GRID2: variants seen among roughly 807,000 people sequenced by gnomAD.
GRID2 encodes glutamate ionotropic receptor delta type subunit 2.
In GRID2, 33 loss-of-function variants were observed where a neutral mutation model predicts 114.8. That is an observed-to-expected ratio of 0.29 (90% confidence interval 0.22 to 0.38). GRID2 has a LOEUF of 0.38. Among genes scored for constraint, GRID2 ranks in the 10% least tolerant of loss-of-function variants. GRID2 has a pLI of 1.00. For synonymous variants in GRID2, 505 were observed against 449.9 expected (o/e 1.12, Z -1.55); for missense variants, 1,184 against 1,257.7 (o/e 0.94, Z 0.89).
At chr4:92,460,276 T>A (rs538329678) in intron 1 of GRID2, among the ~76,000 whole-genome samples, 9 of 151,652 alleles carry the variant, frequency 5.9e-5, no homozygotes, top group Admixed American at 2.6e-4. Context: ...CAGATATTCT[T>A]CCAGAGACAA....
intron 1 of GRID2, among the ~76,000 whole-genome samples, chr4:92,492,988 G>T (rs551908549): frequency 6.6e-6 from 1 of 151,966 alleles, no homozygotes; most frequent in South Asian, 2.1e-4. Flanking sequence ...AATTAGCCAG[G>T]TGTGGTGGCA....
intron 1 of GRID2, among the ~76,000 whole-genome samples, chr4:92,399,281 C>G (rs530392449): frequency 6.6e-6 from 1 of 152,214 alleles, no homozygotes; most frequent in African/African-American, 2.4e-5. Context: ...TGTTTGTGCT[C>G]CATTGACTGC....
chr4:93,533,280 TC>T (rs1731664074), intron 13 of GRID2, among the ~76,000 whole-genome samples: 4 of 135,292 alleles, frequency 3.0e-5, no homozygotes, highest in East Asian at 2.2e-4. Flanking sequence ...CTTCCTTCCT[TC>T]CTTCCTTCCT....
intron 2 of GRID2, among the ~76,000 whole-genome samples, chr4:92,744,929 C>T (rs2149334122): frequency 6.6e-6 from 1 of 152,242 alleles, no homozygotes; most frequent in East Asian, 1.9e-4. Flanking sequence ...GCTAATTTAG[C>T]ACTGTTGAGA....
At position 92,403,693 on chromosome 4, in the gene GRID2, AAAATAAATAAAT is replaced by A. The variant is rs58063095; in HGVS notation, c.88+98989_88+99000del. Among the ~76,000 whole-genome samples, 879 of 139,124 alleles carry A rather than the reference AAAATAAATAAAT, an allele frequency of 6.3e-3. 8 individuals carry two copies. The highest frequency in any genetic ancestry group is 0.015 in the Middle Eastern group (4 of 262). The allele number at this position is 139,124 out of a possible 152,430, so 91.3% of individuals were successfully genotyped here. On this transcript the variant is annotated intron_variant, in intron 1 of 15. Transcript: ENST00000282020. ...GGGGACAGAGTGAGACTCCATCTCA[AAAATAAATAAAT>A]AAATAAATAAATAAATAAATAAATA...
intron 2 of GRID2, among the ~76,000 whole-genome samples, chr4:92,836,128 A>G (rs13131366): frequency 0.071 from 10,809 of 152,188 alleles, 537 homozygotes; most frequent in Non-Finnish European, 0.11. Context: ...TGTATCATCT[A>G]TAGCTGTTTT....
Position 93,591,907 on chromosome 4 carries a change from C to T in GRID2, c.2194-34362C>T, listed in dbSNP as rs1239796168. On this transcript the variant is annotated intron_variant, in intron 13 of 15. Coordinates refer to ENST00000282020, the MANE Select transcript of GRID2 (RefSeq NM_001510.4). ...TCTGTGGGATCGGTGGTGATATCCC[C>T]TTTATCATTTTTTATTGCGTCTATT... 2.0e-5 allele frequency among the ~76,000 whole-genome samples: 3 copies of T among 152,114 alleles called. No individual in the cohort carries two copies. In the South Asian group the frequency reaches 6.2e-4, roughly 32 times the overall value.
rs551837621 is a variant in GRID2 at position 93,780,866 on chromosome 4, T to C, written c.221+11416T>C. On this transcript the variant is annotated intron_variant, in intron 1 of 1. Transcript: ENST00000637838. ...ACTGGTAGCAATTCATCAAATGAAA[T>C]GAAGAAGAAAAAGAGGCCAATTAAA... is the stretch of plus-strand genomic sequence containing the variant. Among the ~76,000 whole-genome samples the C allele has an allele frequency of 2.6e-5, 4 of 152,202 alleles. No individual in the cohort carries two copies. In the East Asian group the frequency reaches 5.8e-4, roughly 22 times the overall value.
chr4:93,695,113 G>C (rs996977512), intron 14 of GRID2, among the ~76,000 whole-genome samples: 4 of 150,814 alleles, frequency 2.7e-5, no homozygotes, highest in Non-Finnish European at 5.9e-5. Context: ...GGAAGTCGCA[G>C]TGAGCCGAGA....
At chr4:92,476,684 T>G (rs1579433208) in intron 1 of GRID2, among the ~76,000 whole-genome samples, 1 of 152,134 alleles carries the variant, frequency 6.6e-6, no homozygotes, top group Non-Finnish European at 1.5e-5. Context: ...AGAAAAAAAT[T>G]TCGTATGTTT....
chr4:92,812,618 G>A (rs1158826878), intron 2 of GRID2, among the ~76,000 whole-genome samples: 5 of 152,048 alleles, frequency 3.3e-5, no homozygotes, highest in Non-Finnish European at 5.9e-5. Flanking sequence ...TTTATATGGT[G>A]ATTTTTGTTT....
intron 13 of GRID2, among the ~76,000 whole-genome samples, chr4:93,553,864 T>C (rs1734033615): frequency 6.6e-6 from 1 of 152,172 alleles, no homozygotes; most frequent in Admixed American, 6.5e-5. Flanking sequence ...TAATCATGTG[T>C]CCTAATTTTT....
intron 2 of GRID2, among the ~76,000 whole-genome samples, chr4:92,761,985 G>A (rs1419978108): frequency 6.6e-6 from 1 of 152,124 alleles, no homozygotes; most frequent in Non-Finnish European, 1.5e-5. Context: ...CTGGAGTGCA[G>A]TGGCACAATC....
chr4:92,347,757 G>A (rs1727845175), intron 1 of GRID2, among the ~76,000 whole-genome samples: 1 of 152,060 alleles, frequency 6.6e-6, no homozygotes, highest in South Asian at 2.1e-4. Flanking sequence ...AAGAGGCTTA[G>A]CTTGTTAAGA....
At chr4:92,583,023 TA>T (rs1387749533) in intron 1 of GRID2, among the ~76,000 whole-genome samples, 7 of 152,020 alleles carry the variant, frequency 4.6e-5, no homozygotes, top group African/African-American at 1.2e-4. Context: ...AAAATATACA[TA>T]TTATTTTCTT....
chr4:92,494,793 C>T (rs1420056092), intron 1 of GRID2, among the ~76,000 whole-genome samples: 1 of 151,964 alleles, frequency 6.6e-6, no homozygotes, highest in African/African-American at 2.4e-5. Context: ...GCTATGTACA[C>T]AGTAGCCATT....
chr4:93,741,965 T>C (rs1017488825), intron 14 of GRID2, among the ~76,000 whole-genome samples: 8 of 150,972 alleles, frequency 5.3e-5, no homozygotes, highest in African/African-American at 1.7e-4. Flanking sequence ...TGTTTGTTCA[T>C]GTGTGGGTGT....
At chr4:93,543,716 G>T (rs1202723048) in intron 13 of GRID2, among the ~76,000 whole-genome samples, 1 of 141,664 alleles carries the variant, frequency 7.1e-6, no homozygotes, top group Middle Eastern at 3.4e-3. Context: ...GAGATAGAGA[G>T]AGAGAGAGAG....
intron 2 of GRID2, among the ~76,000 whole-genome samples, chr4:92,671,231 TAAAC>T (rs1433501908): frequency 6.7e-6 from 1 of 148,430 alleles, no homozygotes; most frequent in African/African-American, 2.5e-5. Context: ...GCTATCCACT[TAAAC>T]AATCAGATCT....
Sources: allele counts gnomAD v4.1 joint callset (sites outside exome capture counted in the v4.1 genomes callset), GRCh38; gene constraint gnomAD v4.1.1; transcripts MANE v1.5; gene names NCBI Gene and HGNC (gene_info 2026-07-23, HGNC 2026-07-21).